Variants in USP44 observed in about 807,000 individuals in gnomAD.
USP44 encodes ubiquitin carboxyl-terminal hydrolase 44.
A neutral mutation model predicts 69.0 loss-of-function variants in USP44; 61 were observed. The observed-to-expected ratio is 0.88, with a 90% CI of 0.72 to 1.09. The LOEUF is 1.09. Ranked by LOEUF, USP44 falls within the 50% of genes least tolerant of loss-of-function variation. USP44 has a pLI of 0.00. For synonymous variants in USP44, 297 were observed against 295.4 expected (o/e 1.01, Z -0.06); for missense variants, 753 against 849.9 (o/e 0.89, Z 1.42).
intron 1 of USP44, among the ~76,000 whole-genome samples, chr12:95,539,753 T>C (rs2077329434): frequency 6.6e-6 from 1 of 152,192 alleles, no homozygotes; most frequent in Non-Finnish European, 1.5e-5. Context: ...ATAACTATAT[T>C]TGACTTATTG....
At chr12:95,532,778 TAC>T (rs2077061583) in intron 2 of USP44, 49 bp downstream of exon 2, 1 of 1,477,060 alleles carries the variant, frequency 6.8e-7, no homozygotes, top group Admixed American at 2.2e-5. Flanking sequence ...TTTTATAGGC[TAC>T]ACTTTATGAA....
intron 1 of USP44, chr12:95,547,943 TCACTTTC>T (rs2077625789): frequency 1.3e-5 from 2 of 152,294 alleles, no homozygotes; most frequent in South Asian, 4.1e-4. Context: ...ACTATATAGT[TCACTTTC>T]TTTTTTCATG....
At chr12:95,538,272 A>G (rs1449773504) in intron 1 of USP44, among the ~76,000 whole-genome samples, 1 of 152,182 alleles carries the variant, frequency 6.6e-6, no homozygotes, top group Non-Finnish European at 1.5e-5. Context: ...AACAGTGGTA[A>G]TAATACCAAT....
chr12:95,522,533 C>T (rs574064767), intron 4 of USP44, among the ~76,000 whole-genome samples: 3 of 151,858 alleles, frequency 2.0e-5, no homozygotes, highest in Admixed American at 6.6e-5. Context: ...ATCCCAGCAC[C>T]TTGGGAGGCC....
chr12:95,519,436 T>C (rs2076579621), intron 5 of USP44, among the ~76,000 whole-genome samples: 2 of 130,068 alleles, frequency 1.5e-5, no homozygotes, highest in Admixed American at 7.6e-5. Context: ...ATCTGTATTT[T>C]TTTTTTTTTT....
intron 1 of USP44, among the ~76,000 whole-genome samples, chr12:95,537,202 A>G (rs191039328): frequency 6.7e-4 from 102 of 152,340 alleles, no homozygotes; most frequent in Non-Finnish European, 1.0e-3. Flanking sequence ...AATTTACTCA[A>G]TTTGGAGGTT....
chr12:95,529,880 T>C (rs2076966185), intron 2 of USP44, among the ~76,000 whole-genome samples: 1 of 152,166 alleles, frequency 6.6e-6, no homozygotes, highest in African/African-American at 2.4e-5. Context: ...ATATATGACA[T>C]AAATAATGAT....
rs60940181 is a variant in USP44, at chr12:95,519,432, A to ATT, written c.1940-1081_1940-1080dup. On this transcript the variant is annotated intron_variant, in intron 5 of 5. Coordinates refer to ENST00000258499, the MANE Select transcript of USP44 (RefSeq NM_032147.5). Reference sequence around the variant, plus strand: ...TTCAGACAAGGTATACTCAATCTGTATTTTTTTTTTTTTTTTTTTTTTTTT... The same window carrying ATT: ...TTCAGACAAGGTATACTCAATCTGTATTTTTTTTTTTTTTTTTTTTTTTTTTT... Among the ~76,000 whole-genome samples the ATT allele has an allele frequency of 7.6e-3, 645 of 84,510 alleles. 2 individuals carry two copies. Among genetic ancestry groups the ATT allele is most frequent in the Non-Finnish European group, 0.01 (480 of 46,424 alleles). 55.4% of individuals were successfully genotyped at this position (84,510 alleles called of 152,430 possible).
At position 95,533,036 on chromosome 12, in the gene USP44, G is replaced by A. The variant is rs1205645641; in HGVS notation, c.1221C>T (p.His407=). 6.2e-7 allele frequency: 1 copy of A among 1,614,216 alleles called. No homozygotes were observed. Among genetic ancestry groups the A allele is most frequent in the East Asian group, 2.2e-5 (1 of 44,888 alleles). The change falls in exon 2 of 6, where the codon CAC becomes CAT. Residue 407 remains histidine (H), a synonymous_variant. Transcript: ENST00000258499. ...WALVSPFAML[H]SVWRLIPAFR... ...AGGCAGGAATGAGTCTCCACACTGA[G>A]TGTAGCATAGCAAATGGTGAGACCA...
Position 95,518,114 on chromosome 12 carries a change from T to C in USP44, c.*40A>G, listed in dbSNP as rs1441672272. ...TGGTACATCAGTCTTTTAAAAAGTATATATATAAATCACAGGAAGAAAACC... is the reference window on the plus strand; with the variant it reads ...TGGTACATCAGTCTTTTAAAAAGTACATATATAAATCACAGGAAGAAAACC... On this transcript the variant is annotated 3_prime_UTR_variant, in exon 6 of 6. Transcript: ENST00000258499. The C allele has an allele frequency of 1.3e-6, 2 of 1,599,522 alleles. No individual in the cohort carries two copies. The highest frequency in any genetic ancestry group is 1.7e-5 in the Admixed American group (1 of 59,026).
intron 5 of USP44, among the ~76,000 whole-genome samples, chr12:95,519,968 G>A (rs1362232811): frequency 3.9e-4 from 49 of 124,826 alleles, no homozygotes; most frequent in Non-Finnish European, 3.0e-4. Context: ...AGATCATGCT[G>A]CTGTACTCTA....
chr12:95,519,432 ATTTTTTTTTTTTTTT>A (rs60940181), intron 5 of USP44, among the ~76,000 whole-genome samples: 6 of 84,546 alleles, frequency 7.1e-5, no homozygotes, highest in Non-Finnish European at 1.3e-4. Flanking sequence ...CTCAATCTGT[ATTTTTTTTTTTTTTT>A]TTTTTTTTTT....
At chr12:95,528,196 G>T (rs1472885884) in intron 3 of USP44, among the ~76,000 whole-genome samples, 1 of 152,100 alleles carries the variant, frequency 6.6e-6, no homozygotes, top group Non-Finnish European at 1.5e-5. Context: ...AGGTTCCTGT[G>T]CTCTCCTCCA....
chr12:95,545,876 C>T (rs1046476347), intron 1 of USP44, among the ~76,000 whole-genome samples: 13 of 152,122 alleles, frequency 8.5e-5, no homozygotes, highest in Non-Finnish European at 1.3e-4. Flanking sequence ...CCTGGTTATT[C>T]TTTCTTCCTT....
At chr12:95,526,897 T>C (rs2076854803) in intron 3 of USP44, among the ~76,000 whole-genome samples, 1 of 152,134 alleles carries the variant, frequency 6.6e-6, no homozygotes, top group Non-Finnish European at 1.5e-5. Context: ...TATGTAAGTA[T>C]ATCTTATTCT....
chr12:95,533,105 T>C lies in USP44; in HGVS notation c.1152A>G (p.Glu384=). 1 of 1,614,230 alleles carries C rather than the reference T, an allele frequency of 6.2e-7. No individual in the cohort carries two copies. Among genetic ancestry groups the C allele is most frequent in the Non-Finnish European group, 8.5e-7 (1 of 1,180,046 alleles). The change falls in exon 2 of 6, where the codon GAA becomes GAG. Residue 384 remains glutamate, a synonymous_variant. Coordinates refer to ENST00000258499, the MANE Select transcript of USP44 (RefSeq NM_032147.5). The part of the protein sequence containing the change: ...PTSQYISLCH[E]LHTLFQVMWS... Reference sequence around the variant, plus strand: ...ACATGACTTGGAACAAAGTATGCAATTCATGACAAAGAGAAATGTACTGTG... The same window carrying C: ...ACATGACTTGGAACAAAGTATGCAACTCATGACAAAGAGAAATGTACTGTG...
At chr12:95,539,227 T>G (rs1235120313) in intron 1 of USP44, among the ~76,000 whole-genome samples, 3 of 151,586 alleles carry the variant, frequency 2.0e-5, no homozygotes, top group Non-Finnish European at 2.9e-5. Context: ...ATGGCTTTTT[T>G]TTTTGTTTTT....
chr12:95,535,934 C>T (rs1451663533), intron 1 of USP44, among the ~76,000 whole-genome samples: 1 of 152,082 alleles, frequency 6.6e-6, no homozygotes, highest in African/African-American at 2.4e-5. Flanking sequence ...TTCCTTCCCA[C>T]CTCTTTTTGT....
chr12:95,541,333 A>G (rs1330367471), intron 1 of USP44, among the ~76,000 whole-genome samples: 2 of 152,146 alleles, frequency 1.3e-5, no homozygotes, highest in Non-Finnish European at 2.9e-5. Flanking sequence ...CTCAGAATAC[A>G]AAGTCCTAGC....
Sources: gnomAD v4.1 joint callset for allele counts (sites outside exome capture counted in the v4.1 genomes callset) on GRCh38, gnomAD v4.1.1 for gene constraint, MANE v1.5 for transcripts, NCBI Gene and HGNC (gene_info 2026-07-23, HGNC 2026-07-21) for gene names.